The following DCAF8L2 variants were observed in gnomAD, a reference collection of about 807,000 sequenced individuals.
DCAF8L2 encodes DDB1 and CUL4 associated factor 8 like 2.
For missense variants in DCAF8L2, 430 were observed against 490.7 expected (o/e 0.88, Z 1.17); for synonymous variants, 200 against 190.9 (o/e 1.05, Z -0.39).
chrX:27,731,318 C>T (rs756424153), intron 4 of DCAF8L2, among the ~76,000 whole-genome samples: 22 of 110,839 alleles, frequency 2.0e-4, no homozygotes, highest in Admixed American at 1.3e-3. Flanking sequence ...GGCTGAGGCA[C>T]GAACCTGGAG....
chrX:27,542,684 A>C, the DCAF8L2 span, among the ~76,000 whole-genome samples: 1 of 104,354 alleles, frequency 9.6e-6, no homozygotes, highest in African/African-American at 3.5e-5. Context: ...CTGGGACTAC[A>C]GGCGCCCGCC....
the DCAF8L2 span, among the ~76,000 whole-genome samples, chrX:27,473,281 T>C: frequency 6.2e-5 from 7 of 112,492 alleles, no homozygotes; most frequent in Non-Finnish European, 1.3e-4. Context: ...CATCCACAGC[T>C]ATAACTGGAT....
chrX:27,476,972 G>T, the DCAF8L2 span, among the ~76,000 whole-genome samples: 2 of 112,143 alleles, frequency 1.8e-5, no homozygotes, highest in Non-Finnish European at 1.9e-5. Flanking sequence ...TGCATACAGT[G>T]TTACTTCCTA....
chrX:27,742,198 C>T (rs1415396615), intron 4 of DCAF8L2, among the ~76,000 whole-genome samples: 1 of 111,394 alleles, frequency 9.0e-6, no homozygotes, highest in Non-Finnish European at 1.9e-5. Flanking sequence ...TCTTTAGGCA[C>T]ACATTGTGAA....
intron 3 of DCAF8L2, among the ~76,000 whole-genome samples, chrX:27,690,627 C>A (rs1210191840): frequency 1.8e-5 from 2 of 110,614 alleles, no homozygotes; most frequent in Admixed American, 9.7e-5. Context: ...AAAAAAACAG[C>A]CTTTTACTAT....
At chrX:27,718,566 C>T (rs534183017) in intron 4 of DCAF8L2, among the ~76,000 whole-genome samples, 2 of 111,106 alleles carry the variant, frequency 1.8e-5, no homozygotes, top group African/African-American at 6.5e-5. Flanking sequence ...ACATTTCAAT[C>T]GGTAGACTGA....
At chrX:27,517,238 T>C in the DCAF8L2 span, among the ~76,000 whole-genome samples, 1 of 111,838 alleles carries the variant, frequency 8.9e-6, no homozygotes, top group Non-Finnish European at 1.9e-5. Flanking sequence ...TCCAAGACTG[T>C]CTACTGTGCT....
chrX:27,534,047 A>G, the DCAF8L2 span, among the ~76,000 whole-genome samples: 1 of 109,758 alleles, frequency 9.1e-6, no homozygotes, highest in Non-Finnish European at 1.9e-5. Flanking sequence ...CTTCTTTACA[A>G]AAAACCCACA....
the DCAF8L2 span, among the ~76,000 whole-genome samples, chrX:27,525,390 T>A: frequency 8.9e-6 from 1 of 111,825 alleles, no homozygotes; most frequent in Admixed American, 9.6e-5. Context: ...TTGGTAGATC[T>A]TCCTCCATCC....
chrX:27,611,695 T>C (rs750435265), intron 1 of DCAF8L2, among the ~76,000 whole-genome samples: 1 of 109,706 alleles, frequency 9.1e-6, no homozygotes, highest in South Asian at 4.0e-4. Context: ...CATGCGATGT[T>C]TGGTTTTCTG....
chrX:27,518,634 G>T, the DCAF8L2 span, among the ~76,000 whole-genome samples: 1 of 110,873 alleles, frequency 9.0e-6, no homozygotes, highest in Non-Finnish European at 1.9e-5. Flanking sequence ...AGCTACTCAG[G>T]AGGCTTAGGC....
intron 3 of DCAF8L2, among the ~76,000 whole-genome samples, chrX:27,705,900 T>C (rs1007233914): frequency 8.9e-6 from 1 of 111,795 alleles, no homozygotes; most frequent in African/African-American, 3.3e-5. Context: ...CCTAGGCATT[T>C]TCCAGAGTTT....
chrX:27,706,099 C>T (rs939588274), intron 3 of DCAF8L2, among the ~76,000 whole-genome samples: 1 of 110,960 alleles, frequency 9.0e-6, no homozygotes, highest in Admixed American at 9.6e-5. Flanking sequence ...AGACCAGATG[C>T]TTGTAGGTGT....
At chrX:27,582,976 C>A in the DCAF8L2 span, among the ~76,000 whole-genome samples, 2 of 111,630 alleles carry the variant, frequency 1.8e-5, no homozygotes, top group South Asian at 3.8e-4. Context: ...TATGCAAATT[C>A]TGTTTCTCAT....
chrX:27,562,957 A>G, the DCAF8L2 span, among the ~76,000 whole-genome samples: 1 of 112,034 alleles, frequency 8.9e-6, no homozygotes, highest in East Asian at 2.8e-4. Context: ...GGCCTTCTTA[A>G]TAGTTGTTAT....
At chrX:27,644,866 T>G (rs1928880323) in intron 2 of DCAF8L2, among the ~76,000 whole-genome samples, 1 of 111,950 alleles carries the variant, frequency 8.9e-6, no homozygotes, top group South Asian at 3.8e-4. Context: ...GCGATTCTCC[T>G]GCCTCAGCCT....
Position 27,748,530 on chromosome X carries a change from A to G in DCAF8L2, c.1635A>G (p.Lys545=). ...HDVKIWTPTA[K]AATELTGLKK... ...TCAAGATCTGGACACCCACAGCTAAAGCTGCCACTGAGCTTACTGGGTTAA... is the reference window on the plus strand; with the variant it reads ...TCAAGATCTGGACACCCACAGCTAAGGCTGCCACTGAGCTTACTGGGTTAA... The change falls in exon 5 of 5, where the codon AAA becomes AAG. Residue 545 remains lysine (K), a synonymous_variant. Coordinates refer to ENST00000451261, the MANE Select transcript of DCAF8L2 (RefSeq NM_001353450.2). The G allele has an allele frequency of 8.3e-7, 1 of 1,211,654 alleles. No homozygotes were observed. Among genetic ancestry groups the G allele is most frequent in the East Asian group, 3.0e-5 (1 of 33,831 alleles).
the DCAF8L2 span, among the ~76,000 whole-genome samples, chrX:27,501,202 C>G: frequency 9.2e-6 from 1 of 109,142 alleles, no homozygotes; most frequent in Non-Finnish European, 1.9e-5. Context: ...TTCTCTCTCT[C>G]TCTCCCTGCC....
intron 2 of DCAF8L2, among the ~76,000 whole-genome samples, chrX:27,647,368 T>C (rs1314346204): frequency 9.0e-6 from 1 of 110,999 alleles, no homozygotes; most frequent in African/African-American, 3.3e-5. Context: ...TGAGAACACA[T>C]GGACACAGGG....
Sources: gnomAD v4.1 joint callset for allele counts (sites outside exome capture counted in the v4.1 genomes callset) on GRCh38, gnomAD v4.1.1 for gene constraint, MANE v1.5 for transcripts, NCBI Gene and HGNC (gene_info 2026-07-23, HGNC 2026-07-21) for gene names.